The following CSMD3 variants were observed in gnomAD, a reference collection of about 807,000 sequenced individuals.
CSMD3 encodes CUB and sushi domain-containing protein 3.
CSMD3 carries 177 observed loss-of-function variants against 435.2 expected under a neutral mutation model. That is an observed-to-expected ratio of 0.41 (90% confidence interval 0.36 to 0.46). CSMD3 has a LOEUF of 0.46. CSMD3 is among the 20% of genes least tolerant of loss of function. The pLI is 0.34. For missense variants in CSMD3, 4,265 were observed against 4,504.6 expected, an observed-to-expected ratio of 0.95 and a Z score of 1.52; for synonymous variants, 1,656 against 1,520.5, an observed-to-expected ratio of 1.09 and a Z score of -2.07.
chr8:112,480,918 T>C (rs1456403408), intron 31 of CSMD3, among the ~76,000 whole-genome samples: 1 of 152,232 alleles, frequency 6.6e-6, no homozygotes, highest in African/African-American at 2.4e-5. Flanking sequence ...GTTTTCTTGT[T>C]CTTTATTCTT....
At chr8:112,470,734 A>G (rs1818438762) in intron 32 of CSMD3, among the ~76,000 whole-genome samples, 1 of 152,132 alleles carries the variant, frequency 6.6e-6, no homozygotes, top group Non-Finnish European at 1.5e-5. Context: ...CAAAGAGATT[A>G]CGTAACTTGT....
chr8:113,348,188 T>A (rs542596574), intron 1 of CSMD3, among the ~76,000 whole-genome samples: 1 of 152,308 alleles, frequency 6.6e-6, no homozygotes, highest in African/African-American at 2.4e-5. Context: ...ATCAATGAGA[T>A]TAAGGTCCGT....
chr8:113,330,945 T>C (rs1022543433), intron 1 of CSMD3, among the ~76,000 whole-genome samples: 5 of 151,668 alleles, frequency 3.3e-5, no homozygotes, highest in African/African-American at 4.8e-5. Flanking sequence ...CTAACATCTA[T>C]AGAACACTGC....
At chr8:113,122,222 T>G (rs2131639537) in intron 4 of CSMD3, among the ~76,000 whole-genome samples, 1 of 152,256 alleles carries the variant, frequency 6.6e-6, no homozygotes, top group Admixed American at 6.5e-5. Context: ...ATTTTACTTT[T>G]ATTGTTTATT....
intron 5 of CSMD3, among the ~76,000 whole-genome samples, chr8:113,046,101 G>A (rs879528678): frequency 1.3e-5 from 2 of 149,220 alleles, no homozygotes; most frequent in Non-Finnish European, 3.0e-5. Flanking sequence ...CTATCGGGAA[G>A]TACCCTCAGC....
intron 5 of CSMD3, among the ~76,000 whole-genome samples, chr8:113,032,727 A>T (rs2087168478): frequency 6.6e-6 from 1 of 151,594 alleles, no homozygotes; most frequent in Non-Finnish European, 1.5e-5. Flanking sequence ...TGCATAAGTA[A>T]TGAGGAGCTG....
intron 18 of CSMD3, among the ~76,000 whole-genome samples, chr8:112,655,322 C>T (rs2075229959): frequency 6.6e-6 from 1 of 152,018 alleles, no homozygotes; most frequent in Middle Eastern, 3.4e-3. Context: ...ATTTTAATAA[C>T]CCTCTTAAGT....
chr8:112,307,978 A>G (rs1821605433), intron 50 of CSMD3, among the ~76,000 whole-genome samples: 1 of 152,192 alleles, frequency 6.6e-6, no homozygotes, highest in Non-Finnish European at 1.5e-5. Flanking sequence ...ATATAAAATG[A>G]AAAACCTTAG....
chr8:112,560,369 C>T (rs1478729680), intron 24 of CSMD3, among the ~76,000 whole-genome samples: 1 of 151,500 alleles, frequency 6.6e-6, no homozygotes, highest in East Asian at 1.9e-4. Flanking sequence ...TTTTCCCCTC[C>T]CTCTTTCTCA....
At chr8:113,284,379 T>TCA (rs1300945319) in intron 2 of CSMD3, among the ~76,000 whole-genome samples, 1 of 152,212 alleles carries the variant, frequency 6.6e-6, no homozygotes, top group Non-Finnish European at 1.5e-5. Context: ...AATTTCTTAT[T>TCA]CACACTAAGA....
At chr8:112,862,619 A>G (rs890891446) in intron 10 of CSMD3, among the ~76,000 whole-genome samples, 1 of 152,058 alleles carries the variant, frequency 6.6e-6, no homozygotes, top group African/African-American at 2.4e-5. Flanking sequence ...TATGTTTTAT[A>G]GTTGAAAAAA....
intron 10 of CSMD3, among the ~76,000 whole-genome samples, chr8:112,904,082 TC>T (rs1365517424): frequency 6.6e-6 from 1 of 151,078 alleles, no homozygotes; most frequent in African/African-American, 2.4e-5. Flanking sequence ...CAATGCTTTT[TC>T]CCCCCCAGAG....
At chr8:112,838,064 G>A (rs1282447305) in intron 11 of CSMD3, among the ~76,000 whole-genome samples, 1 of 151,570 alleles carries the variant, frequency 6.6e-6, no homozygotes, top group East Asian at 1.9e-4. Context: ...TTGGGATATA[G>A]ACACACTGGG....
Position 112,681,717 on chromosome 8 carries a change from A to T in CSMD3, c.2677+725T>A, listed in dbSNP as rs573357129. 3.3e-5 allele frequency among the ~76,000 whole-genome samples: 5 copies of T among 152,202 alleles called. No homozygotes were observed. The South Asian group carries it at 1.0e-3, about 32-fold the overall frequency. On this transcript the variant is annotated intron_variant, in intron 16 of 70. Coordinates refer to ENST00000297405, the MANE Select transcript of CSMD3 (RefSeq NM_198123.2). ...CGTGTCTCTACTAAAAATACAAAAAATTAGCTGGGCACGGAGGCATGCACC... is the reference window on the plus strand; with the variant it reads ...CGTGTCTCTACTAAAAATACAAAAATTTAGCTGGGCACGGAGGCATGCACC...
At chr8:112,411,673 C>A (rs1811366306) in intron 32 of CSMD3, among the ~76,000 whole-genome samples, 1 of 151,956 alleles carries the variant, frequency 6.6e-6, no homozygotes, top group Non-Finnish European at 1.5e-5. Context: ...TAATAATGAA[C>A]CTAATACTCC....
At chr8:112,612,751 C>T (rs548404499) in intron 22 of CSMD3, among the ~76,000 whole-genome samples, 2 of 117,326 alleles carry the variant, frequency 1.7e-5, no homozygotes, top group African/African-American at 6.5e-5. Flanking sequence ...TGGAGTCTTG[C>T]TCTGTCACCC....
intron 5 of CSMD3, among the ~76,000 whole-genome samples, chr8:113,055,077 A>G (rs1330121412): frequency 6.6e-6 from 1 of 152,088 alleles, no homozygotes; most frequent in African/African-American, 2.4e-5. Context: ...AGCATATTTT[A>G]TATTTCAGTT....
intron 3 of CSMD3, among the ~76,000 whole-genome samples, chr8:113,275,015 C>T (rs922429148): frequency 6.6e-6 from 1 of 151,926 alleles, no homozygotes; most frequent in Non-Finnish European, 1.5e-5. Context: ...GAAATTTGTA[C>T]AAATATACTG....
chr8:112,373,513 T>TA (rs974847958), intron 38 of CSMD3, among the ~76,000 whole-genome samples: 56 of 145,952 alleles, frequency 3.8e-4, no homozygotes, highest in African/African-American at 1.2e-3. Context: ...ATTAGGTATT[T>TA]AAAAAAAAAT....
Sources: allele counts gnomAD v4.1 joint callset (sites outside exome capture counted in the v4.1 genomes callset), GRCh38; gene constraint gnomAD v4.1.1; transcripts MANE v1.5; gene names NCBI Gene and HGNC (gene_info 2026-07-23, HGNC 2026-07-21).